The following TXK variants were observed in gnomAD, a reference collection of about 807,000 sequenced individuals.
TXK encodes the protein tyrosine-protein kinase TXK.
A neutral mutation model predicts 81.0 loss-of-function variants in TXK; 60 were observed. That is an observed-to-expected ratio of 0.74 (90% CI 0.60 to 0.92). The LOEUF (loss-of-function observed/expected upper bound fraction) is 0.92. Ranked by LOEUF, TXK falls within the 40% of genes least tolerant of loss-of-function variation. TXK has a pLI of 0.00. For synonymous variants in TXK, 203 were observed against 210.7 expected, an observed-to-expected ratio of 0.96 and a Z score of 0.32; for missense variants, 581 against 638.3, an observed-to-expected ratio of 0.91 and a Z score of 0.97.
intron 9 of TXK, 69 bp downstream of exon 9, chr4:48,089,681 C>T (rs751026300): frequency 4.3e-5 from 56 of 1,313,654 alleles, no homozygotes; most frequent in South Asian, 3.6e-5. Flanking sequence ...TGTGAGCCAC[C>T]GCACCCAGCC....
At chr4:48,103,168 C>T (rs781187975) in intron 6 of TXK, among the ~76,000 whole-genome samples, 4 of 152,324 alleles carry the variant, frequency 2.6e-5, no homozygotes, top group Non-Finnish European at 5.9e-5. Context: ...TGTCTGGCTT[C>T]TTGTCAGATG....
intron 7 of TXK, among the ~76,000 whole-genome samples, chr4:48,094,414 C>T (rs541239306): frequency 1.3e-5 from 2 of 152,094 alleles, no homozygotes; most frequent in African/African-American, 4.8e-5. Flanking sequence ...TAACTTCAGC[C>T]AAAGTTGTCT....
chr4:48,120,103 A>G (rs1718908246), intron 1 of TXK, among the ~76,000 whole-genome samples: 1 of 151,480 alleles, frequency 6.6e-6, no homozygotes, highest in African/African-American at 2.4e-5. Context: ...GTACACAAAT[A>G]TACGTATACA....
chr4:48,076,336 A>C (rs1717065913), intron 12 of TXK, 66 bp downstream of exon 12: 1 of 1,209,192 alleles, frequency 8.3e-7, no homozygotes, highest in Non-Finnish European at 1.2e-6. Context: ...TCAGTAAACA[A>C]ATGTAAGATT....
chr4:48,114,351 T>C lies in TXK; in HGVS notation c.68A>G (p.Lys23Arg). The C allele has an allele frequency of 6.2e-7, 1 of 1,614,096 alleles. No individual in the cohort carries two copies. Among genetic ancestry groups the C allele is most frequent in the East Asian group, 2.2e-5 (1 of 44,892 alleles). ...TTGCCCTCGGAAGTAGACTTACCGC[T>C]TCTGCACTGAACAGCAACAGCAGCA... Reference protein sequence around the residue: ...FCCCCCCSVQKRQMRTQISLS... With the variant: ...FCCCCCCSVQRRQMRTQISLS... Residue 23 changes from lysine (K) to arginine (R), a missense_variant, in exon 2 of 15, where the codon AAG (lysine) becomes AGG (arginine). Coordinates refer to ENST00000264316, the MANE Select transcript of TXK (RefSeq NM_003328.3).
chr4:48,106,753 A>T (rs1323682942), intron 5 of TXK, among the ~76,000 whole-genome samples: 7 of 152,092 alleles, frequency 4.6e-5, no homozygotes, highest in Non-Finnish European at 1.0e-4. Context: ...GATAAATGAA[A>T]CTCATGCTTC....
At chr4:48,127,511 T>G (rs537724080) in intron 1 of TXK, among the ~76,000 whole-genome samples, 5 of 152,346 alleles carry the variant, frequency 3.3e-5, no homozygotes, top group Admixed American at 6.5e-5. Context: ...CAGGAACTCA[T>G]GCATATCAAG....
At chr4:48,125,001 C>T (rs932875549) in intron 1 of TXK, among the ~76,000 whole-genome samples, 2 of 152,158 alleles carry the variant, frequency 1.3e-5, no homozygotes, top group Non-Finnish European at 2.9e-5. Context: ...GAAAGGGTTT[C>T]CCCACTTCTA....
At chr4:48,087,268 C>A (rs1210946652) in intron 9 of TXK, among the ~76,000 whole-genome samples, 1 of 152,094 alleles carries the variant, frequency 6.6e-6, no homozygotes, top group Non-Finnish European at 1.5e-5. Context: ...CTCTTGAAAA[C>A]TGTACCAAAC....
intron 5 of TXK, chr4:48,109,393 T>C (rs1269923001): frequency 6.6e-6 from 1 of 152,164 alleles, no homozygotes; most frequent in Non-Finnish European, 1.5e-5. Flanking sequence ...TTTTAGTATA[T>C]GCTCTGCCGA....
chr4:48,086,532 G>A lies in TXK; in HGVS notation c.890C>T (p.Ala297Val), dbSNP rs750318672. The A allele has an allele frequency of 6.2e-7, 1 of 1,614,090 alleles. No homozygotes were observed. The highest frequency in any genetic ancestry group is 2.2e-5 in the East Asian group (1 of 44,876). Residue 297 changes from alanine to valine, a missense_variant, in exon 10 of 15, where the codon GCT becomes GTT. Ala to Val is a moderately conservative substitution (Grantham distance 64). Coordinates refer to ENST00000264316, the MANE Select transcript of TXK (RefSeq NM_003328.3). Reference protein sequence around the residue: ...LGEWRSHIQVAIKAINEGSMS... With the variant: ...LGEWRSHIQVVIKAINEGSMS... ...GGAGCCTTCATTGATGGCCTTGATAGCTACCTGGATATGTGACCGCCATTC... is the reference window on the plus strand; with the variant it reads ...GGAGCCTTCATTGATGGCCTTGATAACTACCTGGATATGTGACCGCCATTC...
At chr4:48,089,542 C>G in intron 9 of TXK, 1 of 391,634 alleles carries the variant, frequency 2.6e-6, no homozygotes, top group Non-Finnish European at 4.9e-6. Context: ...AGGCATCCAC[C>G]ACCAAACCCG....
At chr4:48,114,498 G>A (rs768436841) in intron 1 of TXK, 96 bp from the exon 2 acceptor site, 34 of 1,282,694 alleles carry the variant, frequency 2.7e-5, no homozygotes, top group Middle Eastern at 1.9e-4. Flanking sequence ...ATTATAAAGC[G>A]TATGAAAGTC....
chr4:48,102,985 AG>A (rs1057311642), intron 6 of TXK, among the ~76,000 whole-genome samples: 112 of 152,350 alleles, frequency 7.4e-4, no homozygotes, highest in African/African-American at 2.6e-3. Flanking sequence ...GATTGCCTCT[AG>A]GGAATGAGAG....
Position 48,086,447 on chromosome 4 carries a change from G to A in TXK, c.956+19C>T, listed in dbSNP as rs753699741. ...CCAGGGCATGGTATGATATTTATCA[G>A]GGTGTTGTTTATACGTACATCATCA... On this transcript the variant is annotated intron_variant, in intron 10 of 14. Coordinates refer to ENST00000264316, the MANE Select transcript of TXK (RefSeq NM_003328.3). The A allele has an allele frequency of 1.4e-5, 23 of 1,612,654 alleles. 1 individual carries two copies. The South Asian group carries it at 2.2e-4, about 15-fold the overall frequency.
intron 10 of TXK, among the ~76,000 whole-genome samples, chr4:48,085,203 C>T (rs73244484): frequency 0.015 from 2,276 of 152,186 alleles, 15 homozygotes; most frequent in Non-Finnish European, 0.022. Flanking sequence ...AATGCTGTCC[C>T]GGGAAATCAC....
intron 5 of TXK, among the ~76,000 whole-genome samples, chr4:48,108,814 TA>T (rs1226991505): frequency 6.6e-6 from 1 of 152,132 alleles, no homozygotes; most frequent in East Asian, 1.9e-4. Flanking sequence ...ATCCACAGTA[TA>T]AACAGGCTGT....
chr4:48,067,577 A>C lies in TXK; in HGVS notation c.*60T>G. 3.9e-6 allele frequency: 6 copies of C among 1,529,278 alleles called. No homozygotes were observed. Among genetic ancestry groups the C allele is most frequent in the Non-Finnish European group, 5.4e-6 (6 of 1,102,430 alleles). The allele number at this position is 1,529,278 out of a possible 1,614,324, so 94.7% of individuals were successfully genotyped here. ...CCATAAGTGACCCCATATGGTGAAG[A>C]TATTCACAATAAATGACAGTTTTGC... is the stretch of plus-strand genomic sequence containing the variant. On this transcript the variant is annotated 3_prime_UTR_variant, in exon 15 of 15. Coordinates refer to ENST00000264316, the MANE Select transcript of TXK (RefSeq NM_003328.3).
chr4:48,078,204 T>A (rs13138066), intron 11 of TXK, among the ~76,000 whole-genome samples: 1 of 152,040 alleles, frequency 6.6e-6, no homozygotes, highest in African/African-American at 2.4e-5. Context: ...ACTCTAAGTC[T>A]CATAAGATAG....
Sources: allele counts gnomAD v4.1 joint callset (sites outside exome capture counted in the v4.1 genomes callset), GRCh38; gene constraint gnomAD v4.1.1; transcripts MANE v1.5; gene names NCBI Gene and HGNC (gene_info 2026-07-23, HGNC 2026-07-21).